ATAD2B: variants seen among roughly 807,000 people sequenced by gnomAD.
The protein encoded by ATAD2B is ATPase family AAA domain containing 2B.
ATAD2B carries 40 observed loss-of-function variants against 167.6 expected under a neutral mutation model. The observed-to-expected ratio is 0.24, with a 90% CI of 0.19 to 0.31. The LOEUF (loss-of-function observed/expected upper bound fraction) is 0.31. Ranked by LOEUF, ATAD2B falls within the 10% of genes least tolerant of loss-of-function variation. ATAD2B has a pLI of 1.00. For synonymous variants in ATAD2B, 579 were observed against 596.5 expected (o/e 0.97, Z 0.43); for missense variants, 1,242 against 1,757.2 (o/e 0.71, Z 5.24).
chr2:23,821,513 T>G (rs1358430744), intron 16 of ATAD2B, among the ~76,000 whole-genome samples: 1 of 152,236 alleles, frequency 6.6e-6, no homozygotes, highest in East Asian at 1.9e-4. Flanking sequence ...TGTGGTATCT[T>G]ATGTGAGTCT....
intron 1 of ATAD2B, among the ~76,000 whole-genome samples, chr2:23,910,488 T>A (rs112386147): frequency 0.065 from 9,819 of 151,592 alleles, 404 homozygotes; most frequent in African/African-American, 0.12. Flanking sequence ...TGCATACTCT[T>A]TTATCTTCAT....
At chr2:23,745,397 G>GAAGA (rs1674793491), downstream of ATAD2B, among the ~76,000 whole-genome samples, 2 of 116,052 alleles carry the variant, frequency 1.7e-5, no homozygotes, top group African/African-American at 6.9e-5. Context: ...AGGAAGGAAG[G>GAAGA]AAGGAAGGAA....
chr2:23,926,005 T>G (rs1015103083), intron 1 of ATAD2B, among the ~76,000 whole-genome samples: 2 of 152,154 alleles, frequency 1.3e-5, no homozygotes, highest in African/African-American at 4.8e-5. Flanking sequence ...GATTTTGTTT[T>G]TAAAGTTGGT....
chr2:23,828,381 T>C (rs567990559), intron 15 of ATAD2B, among the ~76,000 whole-genome samples: 4 of 152,332 alleles, frequency 2.6e-5, no homozygotes, highest in African/African-American at 9.6e-5. Context: ...CTACCAAATA[T>C]AATTAACTAT....
chr2:23,891,303 A>C (rs1243780648), intron 2 of ATAD2B, among the ~76,000 whole-genome samples: 1 of 152,040 alleles, frequency 6.6e-6, no homozygotes, highest in Non-Finnish European at 1.5e-5. Flanking sequence ...TACAGGCGTA[A>C]GCCACCACGC....
intron 25 of ATAD2B, 55 bp from the exon 26 acceptor site, chr2:23,754,829 T>C (rs1675766765): frequency 1.3e-6 from 2 of 1,540,108 alleles, no homozygotes; most frequent in Non-Finnish European, 1.8e-6. Context: ...GAAAAACCAG[T>C]CTTAAGCAGT....
At chr2:23,684,357 C>T in the ATAD2B span, 2 of 1,316,196 alleles carry the variant, frequency 1.5e-6, no homozygotes, top group South Asian at 2.2e-5. The surrounding 1 kb of genome is among the most constrained non-coding windows in gnomAD (Gnocchi z 4.4). Context: ...AAAAAAAACT[C>T]TTAATGGGAA....
chr2:23,767,561 T>A (rs527547368), intron 22 of ATAD2B, among the ~76,000 whole-genome samples: 2 of 152,330 alleles, frequency 1.3e-5, no homozygotes, highest in East Asian at 3.9e-4. Flanking sequence ...ACTGATCATA[T>A]TGAAAGGATT....
intron 17 of ATAD2B, among the ~76,000 whole-genome samples, chr2:23,812,053 T>C (rs1255383367): frequency 6.6e-6 from 1 of 152,032 alleles, no homozygotes; most frequent in African/African-American, 2.4e-5. Context: ...TTACTCTCAC[T>C]GTGGGTAGTA....
chr2:23,799,450 G>A (rs559502362), intron 18 of ATAD2B, among the ~76,000 whole-genome samples: 1 of 151,282 alleles, frequency 6.6e-6, no homozygotes, highest in East Asian at 2.0e-4. Flanking sequence ...GCACACGCCT[G>A]TAGTCCCAGC....
At chr2:23,764,581 T>C (rs1056033683) in intron 23 of ATAD2B, among the ~76,000 whole-genome samples, 1 of 152,100 alleles carries the variant, frequency 6.6e-6, no homozygotes, top group African/African-American at 2.4e-5. Context: ...AAACAAGACA[T>C]TCAAAGTGCT....
At position 23,829,478 on chromosome 2, in the gene ATAD2B, T is replaced by C. The variant is rs370776892; in HGVS notation, c.1729-539A>G. ...AATTAAATATCATGCATGCCAGTTG[T>C]GGTGGCTCACACCTGCAATCCCAGC... On this transcript the variant is annotated intron_variant, in intron 14 of 27. Transcript: ENST00000238789. Among the ~76,000 whole-genome samples the C allele has an allele frequency of 2.3e-4, 35 of 152,172 alleles. 1 individual carries two copies. The highest frequency in any genetic ancestry group is 2.1e-4 in the Non-Finnish European group (14 of 68,026).
chr2:23,733,990 G>T, the ATAD2B span, among the ~76,000 whole-genome samples: 2 of 152,134 alleles, frequency 1.3e-5, no homozygotes, highest in African/African-American at 4.8e-5. Flanking sequence ...CCTGCCTGGG[G>T]TGTTCTTCCC....
intron 6 of ATAD2B, among the ~76,000 whole-genome samples, chr2:23,883,224 G>A (rs993679746): frequency 2.1e-5 from 3 of 141,620 alleles, no homozygotes; most frequent in Non-Finnish European, 4.5e-5. Context: ...AGGCTGCAGT[G>A]AACTGTGATT....
chr2:23,701,799 T>A, the ATAD2B span, among the ~76,000 whole-genome samples: 1 of 122,402 alleles, frequency 8.2e-6, no homozygotes, highest in East Asian at 2.4e-4. Flanking sequence ...TTTGCTTTTT[T>A]TTTTTTTTTT....
chr2:23,720,491 T>C, the ATAD2B span, among the ~76,000 whole-genome samples: 4 of 143,226 alleles, frequency 2.8e-5, no homozygotes, highest in Non-Finnish European at 6.1e-5. Context: ...GGAGAATCAC[T>C]TGAACCCAGG....
chr2:23,805,124 C>G (rs1016252270), intron 18 of ATAD2B, among the ~76,000 whole-genome samples: 7 of 141,166 alleles, frequency 5.0e-5, no homozygotes, highest in Admixed American at 7.3e-5. Flanking sequence ...GCCTGGACAA[C>G]AAGAGCAAAA....
rs1285431163 is a variant in ATAD2B at position 23,749,682 on chromosome 2, G to A, written c.*2364C>T. 2 of 151,932 alleles carry A rather than the reference G, an allele frequency of 1.3e-5. No individual in the cohort carries two copies. The highest frequency in any genetic ancestry group is 6.6e-5 in the Admixed American group (1 of 15,240). 9.4% of individuals were successfully genotyped at this position (151,932 alleles called of 1,614,324 possible). A position where few individuals can be genotyped will look rare whatever the true frequency, so the allele number is the denominator to read the frequency against. Reference sequence around the variant, plus strand: ...TTCAAAGTGGCAGTTCCTATACTGAGGTTGCCTCCAATTTCTCCATCTACA... The same window carrying A: ...TTCAAAGTGGCAGTTCCTATACTGAAGTTGCCTCCAATTTCTCCATCTACA... On this transcript the variant is annotated 3_prime_UTR_variant, in exon 28 of 28. Coordinates refer to ENST00000238789, the MANE Select transcript of ATAD2B (RefSeq NM_017552.4).
rs56903590 is a variant in ATAD2B at position 23,811,855 on chromosome 2, A to AAT, written c.2268-1355_2268-1354dup. ...AACAATCACAATTTTTAAAATAACA[A>AAT]ATATATATATATATACATAAACTTC... On this transcript the variant is annotated intron_variant, in intron 17 of 27. Coordinates refer to ENST00000238789, the MANE Select transcript of ATAD2B (RefSeq NM_017552.4). Among the ~76,000 whole-genome samples the AAT allele has an allele frequency of 3.1e-3, 474 of 150,860 alleles. 2 individuals carry two copies. The highest frequency in any genetic ancestry group is 4.7e-3 in the Non-Finnish European group (319 of 67,632).
Sources: allele counts gnomAD v4.1 joint callset (sites outside exome capture counted in the v4.1 genomes callset), GRCh38; gene constraint gnomAD v4.1.1; non-coding constraint Gnocchi (gnomAD v3.1); transcripts MANE v1.5; gene names NCBI Gene and HGNC (gene_info 2026-07-23, HGNC 2026-07-21).